Variants in FTO observed in about 807,000 individuals in gnomAD.
The protein encoded by FTO is FTO alpha-ketoglutarate dependent dioxygenase.
A neutral mutation model predicts 63.9 loss-of-function variants in FTO; 47 were observed. That is an observed-to-expected ratio of 0.74 (90% CI 0.58 to 0.94). The LOEUF is 0.94. Among genes scored for constraint, FTO ranks in the 40% least tolerant of loss-of-function variants. FTO has a pLI of 0.00. For missense variants in FTO, 562 were observed against 618.1 expected (o/e 0.91, Z 0.96); for synonymous variants, 207 against 224.4 (o/e 0.92, Z 0.69).
intron 8 of FTO, among the ~76,000 whole-genome samples, chr16:53,984,379 A>G (rs561943978): frequency 7.2e-6 from 1 of 138,532 alleles, no homozygotes; most frequent in African/African-American, 2.8e-5. Flanking sequence ...CTGGAATACA[A>G]TGATGCCATG....
intron 1 of FTO, among the ~76,000 whole-genome samples, chr16:53,750,405 T>A (rs1456791936): frequency 6.6e-6 from 1 of 151,990 alleles, no homozygotes. Flanking sequence ...ACCTGGCGAA[T>A]TTTTTGTATT....
At chr16:54,065,846 G>A (rs2085715566) in intron 8 of FTO, among the ~76,000 whole-genome samples, 2 of 152,170 alleles carry the variant, frequency 1.3e-5, no homozygotes, top group South Asian at 2.1e-4. Context: ...TGGAGTCCTC[G>A]TCCCCATCTC....
At chr16:53,834,188 C>T (rs1380462049) in intron 3 of FTO, among the ~76,000 whole-genome samples, 3 of 152,078 alleles carry the variant, frequency 2.0e-5, no homozygotes, top group Non-Finnish European at 2.9e-5. Context: ...CCACACCCGG[C>T]AAATTTTTTG....
At chr16:53,940,778 A>G (rs1258983187) in intron 8 of FTO, among the ~76,000 whole-genome samples, 4 of 152,330 alleles carry the variant, frequency 2.6e-5, no homozygotes, top group Non-Finnish European at 5.9e-5. Context: ...TAAGATCCAG[A>G]TAACTTTATG....
chr16:53,813,142 A>T (rs866267479), intron 2 of FTO, among the ~76,000 whole-genome samples: 3 of 152,180 alleles, frequency 2.0e-5, no homozygotes, highest in African/African-American at 7.2e-5. Flanking sequence ...CTTCTCTGTT[A>T]TCTTTCCAAG....
At chr16:53,857,440 GTCTCTCTC>G (rs147635985) in intron 4 of FTO, among the ~76,000 whole-genome samples, 5 of 142,034 alleles carry the variant, frequency 3.5e-5, no homozygotes, top group East Asian at 4.1e-4. Flanking sequence ...TGAGAACCTG[GTCTCTCTC>G]TCTCTCTCTC....
At chr16:53,910,854 G>T (rs2081672879) in intron 7 of FTO, among the ~76,000 whole-genome samples, 1 of 152,088 alleles carries the variant, frequency 6.6e-6, no homozygotes, top group South Asian at 2.1e-4. Flanking sequence ...TTTTAGATAG[G>T]TACATAGAAT....
At position 53,996,887 on chromosome 16, in the gene FTO, T is replaced by A. The variant is rs1599168632; in HGVS notation, c.1364+62778T>A. Among the ~76,000 whole-genome samples the A allele has an allele frequency of 1.1e-4, 16 of 152,156 alleles. No homozygotes were observed. The South Asian group carries it at 3.3e-3, about 32-fold the overall frequency. ...ACTTTGGGAGGCCGAGGCAGGCAGA[T>A]CACCTGAGGTCAGGAGTTCAAGACC... On this transcript the variant is annotated intron_variant, in intron 8 of 8. Transcript: ENST00000471389.
At chr16:53,754,998 A>G (rs914810962) in intron 1 of FTO, among the ~76,000 whole-genome samples, 1 of 152,214 alleles carries the variant, frequency 6.6e-6, no homozygotes, top group Non-Finnish European at 1.5e-5. Context: ...CGCTATAGGC[A>G]AGCCAGAAGC....
intron 8 of FTO, among the ~76,000 whole-genome samples, chr16:54,029,010 C>A (rs1225690396): frequency 6.6e-6 from 1 of 151,990 alleles, no homozygotes; most frequent in Admixed American, 6.6e-5. Flanking sequence ...GCACAAATAC[C>A]TTAATTAGTA....
rs371065224 is a variant in FTO, at chr16:53,873,747, T to C, written c.896-39T>C. On this transcript the variant is annotated intron_variant, in intron 4 of 8. Coordinates refer to ENST00000471389, the MANE Select transcript of FTO (RefSeq NM_001080432.3). ...ATAATATATAGTATATACTGACTAA[T>C]AAATATGGTTTTATACATTTCTGGT... 4.6e-5 allele frequency: 68 copies of C among 1,486,044 alleles called. No individual in the cohort carries two copies. The African/African-American group carries it at 9.0e-4, about 20-fold the overall frequency. The allele number at this position is 1,486,044 out of a possible 1,614,324, so 92.1% of individuals were successfully genotyped here.
intron 8 of FTO, among the ~76,000 whole-genome samples, chr16:54,101,110 GT>G (rs1442046399): frequency 6.7e-6 from 1 of 148,888 alleles, no homozygotes; most frequent in South Asian, 2.1e-4. Flanking sequence ...GAGGAACTGG[GT>G]TTTTTTCTTT....
At chr16:53,945,952 A>C (rs2082641788) in intron 8 of FTO, among the ~76,000 whole-genome samples, 1 of 152,212 alleles carries the variant, frequency 6.6e-6, no homozygotes, top group Admixed American at 6.5e-5. Flanking sequence ...AATTTACCAC[A>C]CATGAAGAGT....
At chr16:53,869,998 G>A (rs181190427) in intron 4 of FTO, among the ~76,000 whole-genome samples, 3 of 152,248 alleles carry the variant, frequency 2.0e-5, no homozygotes, top group Admixed American at 6.5e-5. Flanking sequence ...TATGTTGGGA[G>A]GGGAAGCATT....
At chr16:53,938,627 G>T (rs2030388509) in intron 8 of FTO, among the ~76,000 whole-genome samples, 1 of 152,186 alleles carries the variant, frequency 6.6e-6, no homozygotes, top group Non-Finnish European at 1.5e-5. Context: ...CCAATTTCAG[G>T]GTTTATCTGG....
intron 1 of FTO, among the ~76,000 whole-genome samples, chr16:53,774,931 C>T (rs1423693243): frequency 2.0e-5 from 3 of 152,126 alleles, no homozygotes; most frequent in Admixed American, 1.3e-4. Flanking sequence ...AATGTTATTG[C>T]CTCATGACTA....
chr16:53,858,453 C>T (rs990459370), intron 4 of FTO, among the ~76,000 whole-genome samples: 15 of 152,082 alleles, frequency 9.9e-5, no homozygotes, highest in Non-Finnish European at 1.9e-4. Flanking sequence ...TTTTGTAAAT[C>T]TTCCCCAAAA....
chr16:53,889,501 G>C (rs1395688115), intron 7 of FTO, among the ~76,000 whole-genome samples: 1 of 152,146 alleles, frequency 6.6e-6, no homozygotes, highest in Non-Finnish European at 1.5e-5. Context: ...AATATCACCA[G>C]GTATGACATT....
intron 8 of FTO, among the ~76,000 whole-genome samples, chr16:54,012,905 G>A (rs572541034): frequency 7.9e-5 from 12 of 152,200 alleles, no homozygotes; most frequent in Non-Finnish European, 1.5e-4. Context: ...GAGCTCTGAT[G>A]GAGATAAATG....
Sources: gnomAD v4.1 joint callset for allele counts (sites outside exome capture counted in the v4.1 genomes callset) on GRCh38, gnomAD v4.1.1 for gene constraint, MANE v1.5 for transcripts, NCBI Gene and HGNC (gene_info 2026-07-23, HGNC 2026-07-21) for gene names.